Variants in NOX4 observed in about 807,000 individuals in gnomAD.
NOX4 encodes kidney oxidase-1.
NOX4 carries 69 observed loss-of-function variants against 87.6 expected under a neutral mutation model. The ratio of observed to expected loss-of-function variants is 0.79; its 90% CI spans 0.65 to 0.96. The LOEUF is 0.96. Ranked by LOEUF, NOX4 falls within the 40% of genes least tolerant of loss-of-function variation. NOX4 has a pLI of 0.00. For synonymous variants in NOX4, 275 were observed against 238.2 expected (o/e 1.15, Z -1.42); for missense variants, 680 against 681.5 (o/e 1.00, Z 0.02).
chr11:89,431,440 T>G (rs1451379921), intron 7 of NOX4, among the ~76,000 whole-genome samples: 7 of 152,076 alleles, frequency 4.6e-5, no homozygotes, highest in Non-Finnish European at 8.8e-5. Flanking sequence ...GGAGAAAATT[T>G]TTGCAGTCTA....
intron 11 of NOX4, among the ~76,000 whole-genome samples, chr11:89,390,598 T>C (rs1353775904): frequency 6.6e-6 from 1 of 152,180 alleles, no homozygotes; most frequent in Non-Finnish European, 1.5e-5. Flanking sequence ...AGTCAAGTTC[T>C]ACTTCAGCCT....
Position 89,326,839 on chromosome 11 carries a change from G to C in NOX4, c.1654C>G (p.Leu552Val), listed in dbSNP as rs140248034. 1.2e-6 allele frequency: 2 copies of C among 1,613,118 alleles called. No individual in the cohort carries two copies. Among genetic ancestry groups the C allele is most frequent in the East Asian group, 4.5e-5 (2 of 44,772 alleles). ...CTCAGTTTATGAAGAGTCTTGGATA[G>C]TGAATTGGGTCCACAACAGAAAACA... The part of the protein sequence containing the change: ...VGVFCCGPNS[L>V]SKTLHKLSNQ... Residue 552 changes from leucine (L) to valine (V), a missense_variant, in exon 18 of 18, where the codon CTA (leucine) becomes GTA (valine). Transcript: ENST00000263317.
chr11:89,526,190 T>C, the NOX4 span, among the ~76,000 whole-genome samples: 1 of 152,208 alleles, frequency 6.6e-6, no homozygotes, highest in Admixed American at 6.5e-5. Flanking sequence ...CATTTGAACA[T>C]TCATATACAT....
chr11:89,446,167 T>C (rs78899477), intron 4 of NOX4, among the ~76,000 whole-genome samples: 1,534 of 152,172 alleles, frequency 0.01, 29 homozygotes, highest in African/African-American at 0.035. Flanking sequence ...AAGTTACCAC[T>C]ACGTACCTAT....
chr11:89,451,820 G>A lies in NOX4; in HGVS notation c.229C>T (p.Arg77Ter), dbSNP rs1468867034. Reference sequence around the variant, plus strand: ...CCTCGGAGGTAAGCCAAGAGTGTTCGGCACATGGGTAAAAGGATAAGGCTG... The same window carrying A: ...CCTCGGAGGTAAGCCAAGAGTGTTCAGCACATGGGTAAAAGGATAAGGCTG... ...NCSLILLPMC[R>*]TLLAYLRGSQ... Residue 77 changes from arginine (R) to a stop codon, truncating the protein, a stop_gained, in exon 3 of 18, where the codon CGA becomes TGA. Coordinates refer to ENST00000263317, the MANE Select transcript of NOX4 (RefSeq NM_016931.5). LOFTEE classifies it high-confidence loss of function. 1.1e-5 allele frequency: 17 copies of A among 1,613,082 alleles called. No individual in the cohort carries two copies. Among genetic ancestry groups the A allele is most frequent in the East Asian group, 2.2e-5 (1 of 44,838 alleles).
At chr11:89,366,994 C>G (rs572952037) in intron 12 of NOX4, among the ~76,000 whole-genome samples, 42 of 152,170 alleles carry the variant, frequency 2.8e-4, no homozygotes, top group African/African-American at 9.9e-4. Flanking sequence ...ATATAATGTG[C>G]CTCTCATTTT....
intron 12 of NOX4, among the ~76,000 whole-genome samples, chr11:89,369,233 C>G (rs1371466316): frequency 6.6e-6 from 1 of 151,782 alleles, no homozygotes; most frequent in East Asian, 1.9e-4. Context: ...AGTGAGAAGC[C>G]AAATTGAGGA....
chr11:89,351,629 G>A (rs1946459393), intron 13 of NOX4, among the ~76,000 whole-genome samples: 1 of 152,148 alleles, frequency 6.6e-6, no homozygotes, highest in Non-Finnish European at 1.5e-5. Flanking sequence ...TTACCATTCT[G>A]AAAAACTTAA....
chr11:89,506,570 G>A, the NOX4 span, among the ~76,000 whole-genome samples: 5 of 151,640 alleles, frequency 3.3e-5, no homozygotes, highest in South Asian at 1.0e-3. Context: ...TCTATAAAAG[G>A]AAAAATTGAT....
chr11:89,361,905 T>C (rs554075549), intron 12 of NOX4, among the ~76,000 whole-genome samples: 1 of 152,118 alleles, frequency 6.6e-6, no homozygotes, highest in African/African-American at 2.4e-5. Context: ...AATCTCCATC[T>C]GTCACTTCCA....
upstream of NOX4, chr11:89,498,870 C>G (rs1405246902): frequency 1.3e-5 from 2 of 152,310 alleles, no homozygotes; most frequent in Non-Finnish European, 2.9e-5. Flanking sequence ...AATAGCTGCA[C>G]TCTGGAAGCC....
At chr11:89,544,303 C>A in the NOX4 span, among the ~76,000 whole-genome samples, 2 of 151,972 alleles carry the variant, frequency 1.3e-5, no homozygotes, top group African/African-American at 4.8e-5. Flanking sequence ...TCCCATTTTA[C>A]GTGTTTATTT....
chr11:89,404,881 C>T (rs1942081355), intron 8 of NOX4, among the ~76,000 whole-genome samples: 1 of 151,990 alleles, frequency 6.6e-6, no homozygotes, highest in Non-Finnish European at 1.5e-5. Context: ...AATAATCATA[C>T]AAGGTAAGTG....
chr11:89,494,979 G>C (rs1946933202), upstream of NOX4, among the ~76,000 whole-genome samples: 1 of 152,280 alleles, frequency 6.6e-6, no homozygotes, highest in Middle Eastern at 3.4e-3. Flanking sequence ...ATCTCGCTGT[G>C]TCACCCAAGC....
chr11:89,514,382 C>CT, the NOX4 span, among the ~76,000 whole-genome samples: 756 of 151,940 alleles, frequency 5.0e-3, 3 homozygotes, highest in African/African-American at 0.01. Context: ...TTATTTAACT[C>CT]TAACAGTTTT....
chr11:89,358,677 C>T (rs967235229), intron 12 of NOX4, among the ~76,000 whole-genome samples: 1 of 150,888 alleles, frequency 6.6e-6, no homozygotes, highest in Non-Finnish European at 1.5e-5. Flanking sequence ...CAGATTTTTG[C>T]CTATCAGTTA....
chr11:89,543,013 C>T, the NOX4 span, among the ~76,000 whole-genome samples: 3 of 152,046 alleles, frequency 2.0e-5, no homozygotes, highest in Admixed American at 2.0e-4. Context: ...AAAATTAAAG[C>T]TCTTTAGAAA....
At chr11:89,555,894 G>A in the NOX4 span, among the ~76,000 whole-genome samples, 1 of 152,098 alleles carries the variant, frequency 6.6e-6, no homozygotes, top group African/African-American at 2.4e-5. Flanking sequence ...CTCATTGTTG[G>A]TTTATTCATT....
the NOX4 span, among the ~76,000 whole-genome samples, chr11:89,562,043 T>C: frequency 7.9e-5 from 12 of 152,232 alleles, no homozygotes; most frequent in Admixed American, 6.5e-4. Context: ...TAAACAGCAA[T>C]AGGGTAAGTG....
Sources: gnomAD v4.1 joint callset for allele counts (sites outside exome capture counted in the v4.1 genomes callset) on GRCh38, gnomAD v4.1.1 for gene constraint, MANE v1.5 for transcripts, NCBI Gene and HGNC (gene_info 2026-07-23, HGNC 2026-07-21) for gene names.